EYA3: variants seen among roughly 807,000 people sequenced by gnomAD.
EYA3 encodes protein phosphatase EYA3.
In EYA3, 39 loss-of-function variants were observed where a neutral mutation model predicts 80.0. The observed-to-expected ratio is 0.49, with a 90% confidence interval of 0.38 to 0.64. EYA3 has a LOEUF of 0.64. Ranked by LOEUF, EYA3 falls within the 30% of genes least tolerant of loss-of-function variation. EYA3 has a pLI of 0.00. For missense variants in EYA3, 523 were observed against 676.1 expected (o/e 0.77, Z 2.51); for synonymous variants, 206 against 232.8 (o/e 0.88, Z 1.05).
At chr1:28,000,233 T>A (rs1170999412) in intron 11 of EYA3, among the ~76,000 whole-genome samples, 184 bp from the exon 12 acceptor site, 1 of 152,212 alleles carries the variant, frequency 6.6e-6, no homozygotes, top group Non-Finnish European at 1.5e-5. Context: ...AGAGAAGATA[T>A]GGACAGTTAA....
intron 11 of EYA3, among the ~76,000 whole-genome samples, chr1:28,000,872 G>A (rs1223562674): frequency 1.3e-5 from 2 of 152,126 alleles, no homozygotes; most frequent in Admixed American, 6.5e-5. Context: ...AGACTAGCCT[G>A]GGCAACATGG....
At chr1:28,046,840 C>CT (rs1407166925) in intron 3 of EYA3, among the ~76,000 whole-genome samples, 5 of 59,312 alleles carry the variant, frequency 8.4e-5, no homozygotes, top group African/African-American at 2.8e-4. Context: ...GTTTATTTTT[C>CT]TTTCTTTTTT....
At chr1:28,037,416 A>C (rs1046151594) in intron 5 of EYA3, among the ~76,000 whole-genome samples, 2 of 152,242 alleles carry the variant, frequency 1.3e-5, no homozygotes, top group Non-Finnish European at 2.9e-5. Flanking sequence ...TTTAAAAATA[A>C]CTATTCTTCT....
intron 1 of EYA3, among the ~76,000 whole-genome samples, chr1:28,080,093 G>A (rs1043381779): frequency 4.6e-5 from 7 of 152,028 alleles, no homozygotes; most frequent in South Asian, 2.1e-4. Flanking sequence ...CCGTAGTAAC[G>A]GCACTGATAT....
At chr1:28,020,537 T>A (rs748945219) in intron 7 of EYA3, among the ~76,000 whole-genome samples, 1 of 152,132 alleles carries the variant, frequency 6.6e-6, no homozygotes, top group Non-Finnish European at 1.5e-5. Context: ...TTAAGTAATT[T>A]TTTTAGGCTC....
intron 14 of EYA3, among the ~76,000 whole-genome samples, chr1:27,992,972 TA>T (rs1353206214): frequency 6.6e-6 from 1 of 152,132 alleles, no homozygotes; most frequent in Non-Finnish European, 1.5e-5. Context: ...ACATTGATAC[TA>T]CCAACCTACA....
intron 5 of EYA3, among the ~76,000 whole-genome samples, chr1:28,035,915 A>C (rs1321523421): frequency 6.6e-6 from 1 of 152,104 alleles, no homozygotes; most frequent in East Asian, 1.9e-4. Flanking sequence ...CCCCGGTTCA[A>C]GCAATTCTTC....
At chr1:28,015,009 T>A (rs1641954344) in intron 8 of EYA3, among the ~76,000 whole-genome samples, 1 of 152,182 alleles carries the variant, frequency 6.6e-6, no homozygotes, top group African/African-American at 2.4e-5. Flanking sequence ...CCAAATATAA[T>A]TATATGTATG....
rs1641514977 is a variant in EYA3, at chr1:28,009,236, AC to A, written c.909+1710del. On this transcript the variant is annotated intron_variant, in intron 10 of 17. Coordinates refer to ENST00000373871, the MANE Select transcript of EYA3 (RefSeq NM_001990.4). This position sits in a 1 kb window ranked among gnomAD's most constrained non-coding sequence, Gnocchi z 4.8. ...ACTCACAATAGCACAAAGGTGACAAACCCCAAGTGTCCATCAACAGATGAAT... is the reference window on the plus strand; with the variant it reads ...ACTCACAATAGCACAAAGGTGACAAACCCAAGTGTCCATCAACAGATGAAT... Among the ~76,000 whole-genome samples the A allele has an allele frequency of 6.6e-6, 1 of 152,216 alleles. No homozygotes were observed. Among genetic ancestry groups the A allele is most frequent in the African/African-American group, 2.4e-5 (1 of 41,460 alleles).
chr1:28,063,520 T>C (rs1644720160), intron 1 of EYA3, among the ~76,000 whole-genome samples: 1 of 151,654 alleles, frequency 6.6e-6, no homozygotes, highest in African/African-American at 2.4e-5. Context: ...CCACACCTGG[T>C]TAATTTTTGT....
chr1:28,014,346 A>G (rs1641890691), intron 8 of EYA3, among the ~76,000 whole-genome samples: 1 of 145,350 alleles, frequency 6.9e-6, no homozygotes. Context: ...GGATAACTTG[A>G]GCCCAGGGGG....
chr1:28,065,392 C>T (rs1169698143), intron 1 of EYA3, among the ~76,000 whole-genome samples: 1 of 152,088 alleles, frequency 6.6e-6, no homozygotes, highest in African/African-American at 2.4e-5. Context: ...CCTGCCTCAG[C>T]CTCCTGAGTA....
At chr1:28,082,611 T>C (rs538724138) in intron 1 of EYA3, among the ~76,000 whole-genome samples, 5 of 152,278 alleles carry the variant, frequency 3.3e-5, no homozygotes, top group South Asian at 2.1e-4. Flanking sequence ...TAATTTCACA[T>C]AAATTTCCAA....
chr1:28,086,821 G>A (rs1333302390), intron 1 of EYA3, among the ~76,000 whole-genome samples: 1 of 152,142 alleles, frequency 6.6e-6, no homozygotes, highest in Non-Finnish European at 1.5e-5. Flanking sequence ...TTTCAAAGAG[G>A]CTTCACTTAG....
rs1027981716 is a variant in EYA3 at position 28,009,504 on chromosome 1, G to A, written c.909+1443C>T. 4.1e-4 allele frequency among the ~76,000 whole-genome samples: 63 copies of A among 151,980 alleles called. No individual in the cohort carries two copies. The highest frequency in any genetic ancestry group is 1.4e-3 in the African/African-American group (58 of 41,370). ...GTCTCTACTAAAAATACAAAAATTA[G>A]CCAGGCATGGTGGTGTGCACCTATA... On this transcript the variant is annotated intron_variant, in intron 10 of 17. Coordinates refer to ENST00000373871, the MANE Select transcript of EYA3 (RefSeq NM_001990.4). The surrounding 1 kb of genome is among the most constrained non-coding windows in gnomAD (Gnocchi z 4.8).
chr1:28,004,889 G>T (rs1182975369), intron 10 of EYA3, among the ~76,000 whole-genome samples: 3 of 151,900 alleles, frequency 2.0e-5, no homozygotes, highest in Non-Finnish European at 4.4e-5. Context: ...AAAAATCAAT[G>T]AAACAAAAAG....
intron 12 of EYA3, among the ~76,000 whole-genome samples, chr1:27,997,587 T>C (rs552579612): frequency 6.6e-6 from 1 of 152,346 alleles, no homozygotes; most frequent in African/African-American, 2.4e-5. Context: ...TCTGTAACTA[T>C]CCCATCCCTT....
intron 1 of EYA3, among the ~76,000 whole-genome samples, chr1:28,071,881 G>A (rs1259198007): frequency 6.6e-6 from 1 of 152,130 alleles, no homozygotes; most frequent in Admixed American, 6.5e-5. Context: ...ACCAAGTAAA[G>A]TTGTTAATTC....
intron 7 of EYA3, 37 bp downstream of exon 7, chr1:28,027,752 A>G (rs776247236): frequency 5.0e-6 from 8 of 1,611,158 alleles, no homozygotes; most frequent in Non-Finnish European, 6.8e-6. Context: ...AACAATAATA[A>G]TAATTTTAAA....
Sources: allele counts gnomAD v4.1 joint callset (sites outside exome capture counted in the v4.1 genomes callset), GRCh38; gene constraint gnomAD v4.1.1; non-coding constraint Gnocchi (gnomAD v3.1); transcripts MANE v1.5; gene names NCBI Gene and HGNC (gene_info 2026-07-23, HGNC 2026-07-21).